The following SPIRE2 variants were observed in gnomAD, a reference collection of about 807,000 sequenced individuals.
SPIRE2 encodes the protein protein spire homolog 2.
Under a neutral mutation model 80.7 loss-of-function variants are expected in SPIRE2, and 76 were observed. The ratio of observed to expected loss-of-function variants is 0.94; its 90% CI spans 0.78 to 1.14. The LOEUF is 1.14. SPIRE2 is among the 50% of genes most tolerant of loss of function. SPIRE2 has a pLI of 0.00. For synonymous variants in SPIRE2, 535 were observed against 432.6 expected, an observed-to-expected ratio of 1.24 and a Z score of -2.94; for missense variants, 1,196 against 1,015.3, an observed-to-expected ratio of 1.18 and a Z score of -2.42.
Position 89,858,402 on chromosome 16 carries a change from C to G in SPIRE2, c.1167C>G (p.Ile389Met), listed in dbSNP as rs1374484529. The change falls in exon 8 of 15, where the codon ATC becomes ATG. Residue 389 changes from isoleucine to methionine, a missense_variant. Ile to Met is a conservative substitution (Grantham distance 10). Transcript: ENST00000378247. ...CSGDAKSTSC[I>M]NLSVTDAGGS... ...GAGATGCCAAGTCCACCTCCTGCAT[C>G]AACCTGTCAGTCACAGATGCTGGGG... is the stretch of plus-strand genomic sequence containing the variant. 1 of 1,612,354 alleles carries G rather than the reference C, an allele frequency of 6.2e-7. No homozygotes were observed. Among genetic ancestry groups the G allele is most frequent in the Admixed American group, 1.7e-5 (1 of 59,946 alleles).
In SPIRE2 at chr16:89,863,545, G is replaced by T; in HGVS notation, c.1645G>T (p.Val549Leu). The T allele has an allele frequency of 1.2e-6, 2 of 1,614,110 alleles. No individual in the cohort carries two copies. Among genetic ancestry groups the T allele is most frequent in the Non-Finnish European group, 8.5e-7 (1 of 1,180,042 alleles). ...EEVMDVRRVL[V>L]KAEMEKFLQN... ...GGTGATGGACGTGCGCCGTGTGCTG[G>T]TGAAGGCCGAGATGGAAAAGTTTTT... The change falls in exon 11 of 15, where the codon GTG becomes TTG. Residue 549 changes from valine (V) to leucine (L), a missense_variant. Physicochemically the swap from Val to Leu is conservative, Grantham distance 32 (BLOSUM62 1). Transcript: ENST00000378247. This position sits in a 1 kb window ranked among gnomAD's most constrained non-coding sequence, Gnocchi z 4.3.
intron 1 of SPIRE2, among the ~76,000 whole-genome samples, chr16:89,841,088 G>A (rs951937186): frequency 6.6e-6 from 1 of 151,912 alleles, no homozygotes; most frequent in African/African-American, 2.4e-5. Context: ...GGAGGCTGAG[G>A]CGGGAGGATC....
chr16:89,858,286 C>A, intron 7 of SPIRE2, 52 bp from the exon 8 acceptor site: 1 of 1,498,836 alleles, frequency 6.7e-7, no homozygotes, highest in Non-Finnish European at 8.9e-7. Flanking sequence ...CAGCTCCTGC[C>A]TGCTGTCTCC....
rs1217206891 is a variant in SPIRE2 at position 89,843,644 on chromosome 16, T to C, written c.245-1678T>C. ...TTTCCTGAAGATGTGCCTCGATGGATGGAGCTGCTGCCTTGCTGCCACGTT... is the reference window on the plus strand; with the variant it reads ...TTTCCTGAAGATGTGCCTCGATGGACGGAGCTGCTGCCTTGCTGCCACGTT... On this transcript the variant is annotated intron_variant, in intron 1 of 14. Transcript: ENST00000378247. Among the ~76,000 whole-genome samples, 13 of 134,904 alleles carry C rather than the reference T, an allele frequency of 9.6e-5. No individual in the cohort carries two copies. In the East Asian group the frequency reaches 2.9e-3, roughly 31 times the overall value. 88.5% of individuals were successfully genotyped at this position (134,904 alleles called of 152,430 possible). A position where few individuals can be genotyped will look rare whatever the true frequency, so the allele number is the denominator to read the frequency against.
chr16:89,843,061 T>C (rs2143793511), intron 1 of SPIRE2, among the ~76,000 whole-genome samples: 1 of 152,384 alleles, frequency 6.6e-6, no homozygotes, highest in Non-Finnish European at 1.5e-5. Context: ...TCCAGGCAGC[T>C]GGAGCTCTTG....
In SPIRE2 at chr16:89,870,088, C is replaced by T. The variant is rs368336514; in HGVS notation, c.1961C>T (p.Ala654Val). The change falls in exon 15 of 15, where the codon GCG becomes GTG. Residue 654 changes from alanine to valine, a missense_variant. Transcript: ENST00000378247. ...CCACAGTGGCAGAGCGTGGAGGAGG[C>T]GTTCCCCCACATCTACTCCCACGGC... Reference protein sequence around the residue: ...QGPQWQSVEEAFPHIYSHGCV... With the variant: ...QGPQWQSVEEVFPHIYSHGCV... The T allele has an allele frequency of 1.2e-5, 19 of 1,613,300 alleles. No homozygotes were observed. Among genetic ancestry groups the T allele is most frequent in the South Asian group, 1.1e-5 (1 of 90,926 alleles).
At chr16:89,855,257 C>G (rs73270328) in intron 5 of SPIRE2, among the ~76,000 whole-genome samples, 6,911 of 152,134 alleles carry the variant, frequency 0.045, 565 homozygotes, top group African/African-American at 0.16. Flanking sequence ...ATATTTTTGC[C>G]GTAACAAAAC....
At chr16:89,845,844 T>TTC in intron 2 of SPIRE2, 1 of 535,564 alleles carries the variant, frequency 1.9e-6, no homozygotes, top group Non-Finnish European at 3.3e-6. Context: ...TGTTTCCACT[T>TTC]TCTACTGCCT....
chr16:89,865,358 G>A (rs2041780237), intron 12 of SPIRE2, among the ~76,000 whole-genome samples: 1 of 152,108 alleles, frequency 6.6e-6, no homozygotes, highest in Non-Finnish European at 1.5e-5. Flanking sequence ...CTATGATAAG[G>A]TATAGTAAGG....
chr16:89,870,106 C>G lies in SPIRE2; in HGVS notation c.1979C>G (p.Ser660Cys), dbSNP rs1445454598. ...GAGGAGGCGTTCCCCCACATCTACTCCCACGGCTGTGTCCTGAAGGATGTC... is the reference window on the plus strand; with the variant it reads ...GAGGAGGCGTTCCCCCACATCTACTGCCACGGCTGTGTCCTGAAGGATGTC... The part of the protein sequence containing the change: ...SVEEAFPHIY[S>C]HGCVLKDVCS... The change falls in exon 15 of 15, where the codon TCC becomes TGC. Residue 660 changes from serine (S) to cysteine (C), a missense_variant. By Grantham distance (112) the Ser-to-Cys change is moderately radical. Coordinates refer to ENST00000378247, the MANE Select transcript of SPIRE2 (RefSeq NM_032451.2). The G allele has an allele frequency of 2.5e-6, 4 of 1,613,632 alleles. No individual in the cohort carries two copies. Among genetic ancestry groups the G allele is most frequent in the Non-Finnish European group, 3.4e-6 (4 of 1,179,888 alleles).
rs771706822 is a variant in SPIRE2, at chr16:89,828,716, G to C, written c.166G>C (p.Gly56Arg). 2.1e-5 allele frequency: 27 copies of C among 1,262,992 alleles called. No homozygotes were observed. Among genetic ancestry groups the C allele is most frequent in the Non-Finnish European group, 2.5e-5 (25 of 1,001,024 alleles). 78.2% of individuals were successfully genotyped at this position (1,262,992 alleles called of 1,614,324 possible). ...QGCRGLRGSP[G>R]RRLRDTGDLL... ...CTGCCGCGGGCTGCGGGGCTCGCCG[G>C]GCCGGCGCCTGCGGGATACCGGGGA... Residue 56 changes from glycine to arginine, a missense_variant, in exon 1 of 15, where the codon GGC (glycine) becomes CGC (arginine). Coordinates refer to ENST00000378247, the MANE Select transcript of SPIRE2 (RefSeq NM_032451.2). The surrounding 1 kb of genome is among the most constrained non-coding windows in gnomAD (Gnocchi z 5.9).
intron 12 of SPIRE2, among the ~76,000 whole-genome samples, chr16:89,866,838 T>C (rs927174562): frequency 2.0e-5 from 3 of 148,598 alleles, no homozygotes; most frequent in Non-Finnish European, 4.5e-5. Flanking sequence ...CTCGATCTCC[T>C]GACCTCGTGA....
intron 9 of SPIRE2, among the ~76,000 whole-genome samples, chr16:89,860,417 C>G (rs923948246): frequency 1.3e-5 from 2 of 152,092 alleles, no homozygotes; most frequent in Non-Finnish European, 2.9e-5. Flanking sequence ...TTTCACGATG[C>G]CTGCCTAACT....
chr16:89,828,657 A>T lies in SPIRE2; in HGVS notation c.107A>T (p.Asn36Ile). The change falls in exon 1 of 15, where the codon AAC becomes ATC. Residue 36 changes from asparagine to isoleucine, a missense_variant. By Grantham distance (149) the Asn-to-Ile change is moderately radical. Transcript: ENST00000378247. The surrounding 1 kb of genome is among the most constrained non-coding windows in gnomAD (Gnocchi z 5.9). Reference sequence around the variant, plus strand: ...CTGAAGGCCTACGAGCAGCCGCTCAACGAGGAGCAGGCGTGGGCCGTGTGC... The same window carrying T: ...CTGAAGGCCTACGAGCAGCCGCTCATCGAGGAGCAGGCGTGGGCCGTGTGC... ...EVLKAYEQPL[N>I]EEQAWAVCFQ... is the part of the protein sequence containing the mutation. 1 of 1,373,218 alleles carries T rather than the reference A, an allele frequency of 7.3e-7. No homozygotes were observed. The highest frequency in any genetic ancestry group is 9.5e-7 in the Non-Finnish European group (1 of 1,053,066). 85.1% of individuals were successfully genotyped at this position (1,373,218 alleles called of 1,614,324 possible).
intron 1 of SPIRE2, among the ~76,000 whole-genome samples, chr16:89,832,086 A>G (rs779956618): frequency 6.6e-6 from 1 of 152,156 alleles, no homozygotes; most frequent in Non-Finnish European, 1.5e-5. Flanking sequence ...ATTCCTCCTC[A>G]AGGCGGAGTG....
At chr16:89,869,031 TAAAAA>T (rs766356633) in intron 13 of SPIRE2, among the ~76,000 whole-genome samples, 10 of 23,954 alleles carry the variant, frequency 4.2e-4, no homozygotes, top group East Asian at 7.6e-3. Context: ...ATCTGTGTCT[TAAAAA>T]AAAAAAAAAA....
Position 89,858,439 on chromosome 16 carries a change from C to T in SPIRE2, c.1204C>T (p.Arg402Cys), listed in dbSNP as rs150194817. 403 of 1,611,500 alleles carry T rather than the reference C, an allele frequency of 2.5e-4. No homozygotes were observed. The African/African-American group carries it at 4.9e-3, about 19-fold the overall frequency. ...CACAGATGCTGGGGGCAGCGCCCAG[C>T]GCCCGCGGCCCCGCGTGCTGCTCAA... ...SVTDAGGSAQ[R>C]PRPRVLLKAP... is the part of the protein sequence containing the mutation. Residue 402 changes from arginine to cysteine, a missense_variant, in exon 8 of 15, where the codon CGC (arginine) becomes TGC (cysteine). By Grantham distance (180) the Arg-to-Cys change is radical. Transcript: ENST00000378247.
chr16:89,869,935 A>G lies in SPIRE2; in HGVS notation c.1923-115A>G, dbSNP rs1406834564. The stretch of plus-strand genomic sequence containing the variant: ...AGCTGTGTTTGTTGCCTGAGGGCCA[A>G]GGGGAGGCCTAGGGTGAAAGGCAGC... On this transcript the variant is annotated intron_variant, in intron 14 of 14. Coordinates refer to ENST00000378247, the MANE Select transcript of SPIRE2 (RefSeq NM_032451.2). 5 of 897,128 alleles carry G rather than the reference A, an allele frequency of 5.6e-6. No homozygotes were observed. In the East Asian group the frequency reaches 1.3e-4, roughly 24 times the overall value. The allele number at this position is 897,128 out of a possible 1,614,324, so 55.6% of individuals were successfully genotyped here.
intron 1 of SPIRE2, among the ~76,000 whole-genome samples, chr16:89,840,580 C>T (rs916389703): frequency 2.0e-5 from 3 of 150,874 alleles, no homozygotes; most frequent in African/African-American, 7.3e-5. Flanking sequence ...TTAATGTTAC[C>T]GTAATGTTTC....
Sources: allele counts gnomAD v4.1 joint callset (sites outside exome capture counted in the v4.1 genomes callset), GRCh38; gene constraint gnomAD v4.1.1; non-coding constraint Gnocchi (gnomAD v3.1); transcripts MANE v1.5; gene names NCBI Gene and HGNC (gene_info 2026-07-23, HGNC 2026-07-21).